Variants in GDE1 observed in about 807,000 individuals in gnomAD.
The protein encoded by GDE1 is RGS16-interacting membrane protein.
A neutral mutation model predicts 32.2 loss-of-function variants in GDE1; 24 were observed. The ratio of observed to expected loss-of-function variants is 0.75; its 90% CI spans 0.54 to 1.05. GDE1 has a LOEUF of 1.05. Among genes scored for constraint, GDE1 ranks in the 50% least tolerant of loss-of-function variants. The probability of loss-of-function intolerance (pLI) is 0.00; values close to 1 mark genes in which losing one functional copy is unlikely to be tolerated. For synonymous variants in GDE1, 159 were observed against 158.6 expected, an observed-to-expected ratio of 1.00 and a Z score of -0.02; for missense variants, 380 against 415.0, an observed-to-expected ratio of 0.92 and a Z score of 0.73.
chr16:19,518,805 C>T (rs551639986), intron 1 of GDE1, among the ~76,000 whole-genome samples: 1 of 152,300 alleles, frequency 6.6e-6, no homozygotes, highest in East Asian at 1.9e-4. Context: ...CAATAACGTC[C>T]TTTATGGGTG....
At position 19,510,945 on chromosome 16, in the gene GDE1, C is replaced by G. The variant is rs1395601766; in HGVS notation, c.438-1G>C. On this transcript the variant is annotated splice_acceptor_variant, in intron 2 of 5. Transcript: ENST00000353258. LOFTEE classifies it high-confidence loss of function. ...GATCTTTTCATCAGGGAAATCATTC[C>G]TGTAAGAGAAGAGAAAATACGTTGT... 3 of 1,493,468 alleles carry G rather than the reference C, an allele frequency of 2.0e-6. No homozygotes were observed. The South Asian group carries it at 3.5e-5, about 17-fold the overall frequency. The allele number at this position is 1,493,468 out of a possible 1,614,324, so 92.5% of individuals were successfully genotyped here. A position where few individuals can be genotyped will look rare whatever the true frequency, so the allele number is the denominator to read the frequency against.
At chr16:19,521,533 C>A in intron 1 of GDE1, 171 bp downstream of exon 1, 1 of 678,158 alleles carries the variant, frequency 1.5e-6, no homozygotes, top group South Asian at 2.0e-5. Context: ...AATATAAAAC[C>A]TCAAGTCCGG....
intron 3 of GDE1, among the ~76,000 whole-genome samples, chr16:19,508,011 G>T (rs1969270429): frequency 6.6e-6 from 1 of 152,148 alleles, no homozygotes; most frequent in Admixed American, 6.6e-5. Flanking sequence ...CCCTCTGAGG[G>T]CCTCACCCCT....
intron 3 of GDE1, among the ~76,000 whole-genome samples, 172 bp downstream of exon 3, chr16:19,510,665 ACT>A (rs1339478267): frequency 1.3e-5 from 2 of 152,194 alleles, no homozygotes; most frequent in East Asian, 1.9e-4. Flanking sequence ...TCCATAATGC[ACT>A]GTTTCCTTAA....
At chr16:19,503,979 A>T (rs952555705) in intron 5 of GDE1, 1 of 168,310 alleles carries the variant, frequency 5.9e-6, no homozygotes, top group Non-Finnish European at 1.3e-5. Flanking sequence ...AAAGAATATT[A>T]ATTTTCTTTC....
Position 19,507,742 on chromosome 16 carries a change from G to A in GDE1, c.581C>T (p.Pro194Leu). ...GACCACACTATTATTATACAGTTGA[G>A]GAAATTCCATATACATTTTCTTTAG... ...EALKKMYMEF[P>L]QLYNNSVVCS... is the part of the protein sequence containing the mutation. Residue 194 changes from proline to leucine, a missense_variant, in exon 4 of 6, where the codon CCT (proline) becomes CTT (leucine). Coordinates refer to ENST00000353258, the MANE Select transcript of GDE1 (RefSeq NM_016641.4). 1 of 1,568,904 alleles carries A rather than the reference G, an allele frequency of 6.4e-7. No homozygotes were observed. The highest frequency in any genetic ancestry group is 8.8e-7 in the Non-Finnish European group (1 of 1,139,662).
intron 4 of GDE1, 101 bp downstream of exon 4, chr16:19,507,586 T>C: frequency 1.4e-6 from 1 of 718,424 alleles, no homozygotes; most frequent in Non-Finnish European, 2.5e-6. Flanking sequence ...GTGACCCTGA[T>C]GCAGTTCAAT....
intron 1 of GDE1, 137 bp downstream of exon 1, chr16:19,521,566 AT>A (rs1361942835): frequency 1.1e-6 from 1 of 923,326 alleles, no homozygotes; most frequent in African/African-American, 1.6e-5. Flanking sequence ...ACTGGGAGCG[AT>A]CAAGGGCCGG....
chr16:19,503,320 C>T lies in GDE1; in HGVS notation c.*150G>A, dbSNP rs1284867535. ...TGCATGGTGGCAACACCGGGTTTAG[C>T]TTTGGTTCAGGTAAAAATGCAGTGA... is the stretch of plus-strand genomic sequence containing the variant. On this transcript the variant is annotated 3_prime_UTR_variant, in exon 6 of 6. Transcript: ENST00000353258. 1.5e-5 allele frequency: 10 copies of T among 679,206 alleles called. No individual in the cohort carries two copies. Among genetic ancestry groups the T allele is most frequent in the Non-Finnish European group, 2.0e-5 (8 of 400,158 alleles). The allele number at this position is 679,206 out of a possible 1,614,324, so 42.1% of individuals were successfully genotyped here. A position where few individuals can be genotyped will look rare whatever the true frequency, so the allele number is the denominator to read the frequency against.
chr16:19,512,833 T>C (rs1327722950), intron 2 of GDE1, among the ~76,000 whole-genome samples: 1 of 152,080 alleles, frequency 6.6e-6, no homozygotes, highest in Non-Finnish European at 1.5e-5. Flanking sequence ...CCCACTGTAA[T>C]GTTCTTGGTG....
intron 5 of GDE1, chr16:19,503,891 C>T (rs143906286): frequency 2.9e-6 from 1 of 341,412 alleles, no homozygotes. Context: ...CCTGACCTGG[C>T]CCCGACCTGT....
chr16:19,517,020 CTG>C lies in GDE1; in HGVS notation c.429_430del (p.His143GlnfsTer5). ...GTGACAATAAACTACTTACCTGAGT[CTG>C]TGGTTTGCTGCAGGATTCAGCTTCC... is the stretch of plus-strand genomic sequence containing the variant. On this transcript the variant is annotated frameshift_variant, in exon 2 of 6. Transcript: ENST00000353258. LOFTEE classifies it high-confidence loss of function. The C allele has an allele frequency of 1.2e-6, 2 of 1,613,808 alleles. No individual in the cohort carries two copies. Among genetic ancestry groups the C allele is most frequent in the Non-Finnish European group, 1.7e-6 (2 of 1,179,702 alleles).
rs1188838633 is a variant in GDE1, at chr16:19,510,912, A to G, written c.470T>C (p.Leu157Pro). The change falls in exon 3 of 6, where the codon CTA becomes CCA. Residue 157 changes from leucine (L) to proline (P), a missense_variant. Coordinates refer to ENST00000353258, the MANE Select transcript of GDE1 (RefSeq NM_016641.4). Reference protein sequence around the residue: ...NDFPDEKIPTLREAVAECLNH... With the variant: ...NDFPDEKIPTPREAVAECLNH... ...TAGGCACTCTGCAACAGCTTCCCTTAGGGTAGGGATCTTTTCATCAGGGAA... is the reference window on the plus strand; with the variant it reads ...TAGGCACTCTGCAACAGCTTCCCTTGGGGTAGGGATCTTTTCATCAGGGAA... 6.3e-7 allele frequency: 1 copy of G among 1,598,166 alleles called. No homozygotes were observed. The highest frequency in any genetic ancestry group is 1.7e-5 in the Admixed American group (1 of 59,018).
intron 4 of GDE1, among the ~76,000 whole-genome samples, chr16:19,505,343 G>A (rs1362873793): frequency 6.6e-6 from 1 of 152,188 alleles, no homozygotes; most frequent in East Asian, 1.9e-4. Context: ...TCTTTAAAAT[G>A]GAAAAATTAA....
At position 19,521,954 on chromosome 16, in the gene GDE1, C is replaced by T. The variant is rs1334198454; in HGVS notation, c.11G>A (p.Trp4Ter). Residue 4 changes from tryptophan to a stop codon, truncating the protein, a stop_gained, in exon 1 of 6, where the codon TGG (tryptophan) becomes TAG (stop). Coordinates refer to ENST00000353258, the MANE Select transcript of GDE1 (RefSeq NM_016641.4). LOFTEE classifies it high-confidence loss of function. ...GCCCAGGAGGCCGCCCTGGTCCTCC[C>T]ACAGCCACATGCCGGCGCCCGCACC... MWL[W>*]EDQGGLLGPF... The T allele has an allele frequency of 5.2e-6, 8 of 1,551,568 alleles. No individual in the cohort carries two copies. Among genetic ancestry groups the T allele is most frequent in the Non-Finnish European group, 7.0e-6 (8 of 1,145,372 alleles).
chr16:19,509,109 CT>C (rs1308067328), intron 3 of GDE1, among the ~76,000 whole-genome samples: 1 of 152,204 alleles, frequency 6.6e-6, no homozygotes, highest in African/African-American at 2.4e-5. Context: ...TGAGACCAGC[CT>C]GGCCAACATG....
At chr16:19,510,473 T>G (rs1219861889) in intron 3 of GDE1, among the ~76,000 whole-genome samples, 1 of 152,212 alleles carries the variant, frequency 6.6e-6, no homozygotes, top group African/African-American at 2.4e-5. Flanking sequence ...AAATTGGTCT[T>G]GTGTACAACT....
chr16:19,518,945 T>C (rs375898849), intron 1 of GDE1, among the ~76,000 whole-genome samples: 1 of 152,140 alleles, frequency 6.6e-6, no homozygotes, highest in East Asian at 1.9e-4. Context: ...TGACCAAAAA[T>C]GTGGGGGTTT....
In GDE1 at chr16:19,521,684, C is replaced by A. The variant is rs376499397; in HGVS notation, c.261+20G>T. The A allele has an allele frequency of 1.8e-4, 295 of 1,606,792 alleles. No homozygotes were observed. The highest frequency in any genetic ancestry group is 2.3e-4 in the Non-Finnish European group (274 of 1,176,284). ...CCGAGCTCTCGGGAGGACCGAGGGG[C>A]GCGAACGTGGGGGTCTCACCTGCCG... On this transcript the variant is annotated intron_variant, in intron 1 of 5. Coordinates refer to ENST00000353258, the MANE Select transcript of GDE1 (RefSeq NM_016641.4).
Sources: gnomAD v4.1 joint callset for allele counts (sites outside exome capture counted in the v4.1 genomes callset) on GRCh38, gnomAD v4.1.1 for gene constraint, MANE v1.5 for transcripts, NCBI Gene and HGNC (gene_info 2026-07-23, HGNC 2026-07-21) for gene names.